TENM3: variants seen among roughly 807,000 people sequenced by gnomAD.
The protein encoded by TENM3 is teneurin-3.
TENM3 carries 63 observed loss-of-function variants against 255.1 expected under a neutral mutation model. That is an observed-to-expected ratio of 0.25 (90% CI 0.20 to 0.30). TENM3 has a LOEUF of 0.30. Ranked by LOEUF, TENM3 falls within the 10% of genes least tolerant of loss-of-function variation. The probability of loss-of-function intolerance (pLI) is 1.00; values close to 1 mark genes in which losing one functional copy is unlikely to be tolerated. For synonymous variants in TENM3, 1,306 were observed against 1,322.3 expected (o/e 0.99, Z 0.27); for missense variants, 2,929 against 3,461.1 (o/e 0.85, Z 3.86).
chr4:182,727,580 A>T (rs1215761953), intron 13 of TENM3, among the ~76,000 whole-genome samples: 1 of 152,224 alleles, frequency 6.6e-6, no homozygotes, highest in Non-Finnish European at 1.5e-5. Context: ...TAGCTTTTAA[A>T]CAGGATACTT....
the TENM3 span, among the ~76,000 whole-genome samples, chr4:181,467,116 T>TATACAC: frequency 1.5e-5 from 1 of 64,526 alleles, no homozygotes; most frequent in African/African-American, 5.5e-5. Flanking sequence ...TATATATATA[T>TATACAC]ATATATATAT....
chr4:181,931,519 C>T, the TENM3 span, among the ~76,000 whole-genome samples: 1 of 152,018 alleles, frequency 6.6e-6, no homozygotes, highest in South Asian at 2.1e-4. Context: ...TCAGAGAGGA[C>T]ACAAACAAAT....
At chr4:182,015,848 G>A in the TENM3 span, among the ~76,000 whole-genome samples, 1 of 152,104 alleles carries the variant, frequency 6.6e-6, no homozygotes, top group African/African-American at 2.4e-5. Flanking sequence ...CGCCTGGCCT[G>A]ATTTTAAGTT....
chr4:182,698,054 C>T (rs1485304463), intron 12 of TENM3: 3 of 152,146 alleles, frequency 2.0e-5, no homozygotes, highest in Non-Finnish European at 4.4e-5. Flanking sequence ...TTGGGTTCCG[C>T]TTCCTTGCAG....
chr4:182,623,364 G>A (rs1750484887), intron 4 of TENM3, among the ~76,000 whole-genome samples: 1 of 151,500 alleles, frequency 6.6e-6, no homozygotes, highest in Admixed American at 6.6e-5. Flanking sequence ...ATGCAGTGGT[G>A]TAGTCTCAGC....
chr4:181,577,211 T>TATATATATATATA, the TENM3 span, among the ~76,000 whole-genome samples: 1 of 112,574 alleles, frequency 8.9e-6, no homozygotes, highest in Non-Finnish European at 1.9e-5. Context: ...ATATATATAT[T>TATATATATATATA]TTTTTTTTAA....
chr4:182,387,684 G>T (rs1464440891), intron 3 of TENM3, among the ~76,000 whole-genome samples: 1 of 151,850 alleles, frequency 6.6e-6, no homozygotes, highest in Non-Finnish European at 1.5e-5. Context: ...CTCCAGACGC[G>T]CTGCCTTAAG....
chr4:181,619,406 A>C, the TENM3 span, among the ~76,000 whole-genome samples: 1 of 152,058 alleles, frequency 6.6e-6, no homozygotes, highest in East Asian at 1.9e-4. Flanking sequence ...AAAACTTAAT[A>C]CCCATTTTTA....
chr4:182,243,207 C>T (rs1008207601), upstream of TENM3, among the ~76,000 whole-genome samples: 1 of 152,150 alleles, frequency 6.6e-6, no homozygotes, highest in Non-Finnish European at 1.5e-5. Context: ...TTCCACCTCC[C>T]GGGTTCAAGC....
At chr4:182,425,719 C>T (rs1771153802) in intron 3 of TENM3, among the ~76,000 whole-genome samples, 1 of 152,140 alleles carries the variant, frequency 6.6e-6, no homozygotes, top group African/African-American at 2.4e-5. Context: ...ATTAAAAACA[C>T]TCAAAGTGGG....
At chr4:182,087,678 A>G in the TENM3 span, among the ~76,000 whole-genome samples, 1 of 151,676 alleles carries the variant, frequency 6.6e-6, no homozygotes, top group African/African-American at 2.4e-5. Flanking sequence ...CACAAGAAGG[A>G]CAGAATCGCT....
At chr4:182,307,714 C>T (rs1391565695) in intron 1 of TENM3, among the ~76,000 whole-genome samples, 1 of 152,190 alleles carries the variant, frequency 6.6e-6, no homozygotes, top group East Asian at 1.9e-4. Context: ...AGCAATGCCT[C>T]CCTTTGAGGA....
intron 3 of TENM3, among the ~76,000 whole-genome samples, chr4:182,388,553 CA>C (rs1482419979): frequency 6.6e-6 from 1 of 152,182 alleles, no homozygotes; most frequent in African/African-American, 2.4e-5. Flanking sequence ...GGAGGCTATG[CA>C]GCAACTTTTC....
intron 3 of TENM3, among the ~76,000 whole-genome samples, chr4:182,547,168 G>A (rs985973236): frequency 6.6e-5 from 10 of 152,030 alleles, no homozygotes; most frequent in African/African-American, 7.3e-5. Flanking sequence ...TGGTACAAGC[G>A]TTTGTGTTTG....
chr4:182,778,307 G>A (rs1764862961), intron 24 of TENM3, among the ~76,000 whole-genome samples: 1 of 152,102 alleles, frequency 6.6e-6, no homozygotes, highest in African/African-American at 2.4e-5. Context: ...AAATTTGAAA[G>A]CCAAACGTGT....
the TENM3 span, among the ~76,000 whole-genome samples, chr4:181,605,565 AG>A: frequency 1.7e-4 from 5 of 29,864 alleles, no homozygotes; most frequent in African/African-American, 1.4e-4. Context: ...AAAGAAAGAA[AG>A]AAAGAGAGAG....
At chr4:181,456,095 A>ATGTG in the TENM3 span, among the ~76,000 whole-genome samples, 378 of 135,414 alleles carry the variant, frequency 2.8e-3, 2 homozygotes, top group African/African-American at 9.9e-3. Flanking sequence ...TGGTAAATAT[A>ATGTG]TGTGTGTGTG....
chr4:181,588,794 C>T, the TENM3 span, among the ~76,000 whole-genome samples: 1 of 152,034 alleles, frequency 6.6e-6, no homozygotes. Flanking sequence ...GTTTAATTTC[C>T]AAATGTCTGT....
chr4:182,159,377 T>TG (rs971988171), intron 1 of TENM3, among the ~76,000 whole-genome samples: 1 of 152,066 alleles, frequency 6.6e-6, no homozygotes, highest in African/African-American at 2.4e-5. Context: ...GCTGTGAAGA[T>TG]GAAATGAGCT....
Sources: gnomAD v4.1 joint callset for allele counts (sites outside exome capture counted in the v4.1 genomes callset) on GRCh38, gnomAD v4.1.1 for gene constraint, MANE v1.5 for transcripts, NCBI Gene and HGNC (gene_info 2026-07-23, HGNC 2026-07-21) for gene names.